The following PRMT3 variants were observed in gnomAD, a reference collection of about 807,000 sequenced individuals.
PRMT3 encodes protein arginine methyltransferase 3.
A neutral mutation model predicts 71.9 loss-of-function variants in PRMT3; 62 were observed. The ratio of observed to expected loss-of-function variants is 0.86; its 90% CI spans 0.70 to 1.07. The LOEUF is 1.07. PRMT3 is among the 50% of genes least tolerant of loss of function. The probability of loss-of-function intolerance (pLI) is 0.00; values close to 1 mark genes in which losing one functional copy is unlikely to be tolerated. For synonymous variants in PRMT3, 213 were observed against 220.4 expected (o/e 0.97, Z 0.30); for missense variants, 663 against 643.0 (o/e 1.03, Z -0.34).
At chr11:20,409,256 G>A (rs1302710296) in intron 9 of PRMT3, among the ~76,000 whole-genome samples, 7 of 152,178 alleles carry the variant, frequency 4.6e-5, no homozygotes, top group African/African-American at 1.4e-4. Context: ...AGCTTGGGAT[G>A]TAGTCTTCAC....
At chr11:20,434,005 GTGTTGCC>G (rs1036092947) in intron 10 of PRMT3, among the ~76,000 whole-genome samples, 11 of 152,140 alleles carry the variant, frequency 7.2e-5, no homozygotes, top group Admixed American at 1.3e-4. Context: ...CAGTGTTTAA[GTGTTGCC>G]TTTTCGCCTC....
At chr11:20,389,189 G>T (rs1183596772) in intron 2 of PRMT3, among the ~76,000 whole-genome samples, 2 of 152,284 alleles carry the variant, frequency 1.3e-5, no homozygotes, top group African/African-American at 4.8e-5. Context: ...GTAGCCTTCA[G>T]ATTTGCATGT....
At position 20,464,546 on chromosome 11, in the gene PRMT3, G is replaced by T; in HGVS notation, c.1347G>T (p.Thr449=). The T allele has an allele frequency of 6.2e-7, 1 of 1,608,628 alleles. No individual in the cohort carries two copies. The highest frequency in any genetic ancestry group is 8.5e-7 in the Non-Finnish European group (1 of 1,178,156). The stretch of plus-strand genomic sequence containing the variant: ...AAATCACAAGGACATCCATGTGCAC[G>T]GTAAGCTATTTCATTCTGCTTTTAC... ...TLKITRTSMC[T]AIAGYFDIYF... Residue 449 remains threonine, a splice_region_variant and synonymous_variant, in exon 13 of 16, where the codon ACG becomes ACT. Coordinates refer to ENST00000331079, the MANE Select transcript of PRMT3 (RefSeq NM_005788.4).
At chr11:20,422,861 A>G (rs530952931) in intron 9 of PRMT3, among the ~76,000 whole-genome samples, 2 of 152,190 alleles carry the variant, frequency 1.3e-5, no homozygotes, top group South Asian at 4.1e-4. Context: ...ACAGGCAATC[A>G]GGGGACTCAG....
chr11:20,394,913 A>G (rs941235779), intron 5 of PRMT3, among the ~76,000 whole-genome samples: 4 of 152,176 alleles, frequency 2.6e-5, no homozygotes, highest in Admixed American at 6.5e-5. Context: ...CCCTTAAGCA[A>G]TATCTGAATT....
intron 11 of PRMT3, among the ~76,000 whole-genome samples, chr11:20,454,598 C>G (rs1267239355): frequency 6.6e-6 from 1 of 152,056 alleles, no homozygotes; most frequent in Non-Finnish European, 1.5e-5. Context: ...AAAAGAGTAA[C>G]AAAAAATAGT....
At chr11:20,461,795 G>A (rs188646126) in intron 11 of PRMT3, among the ~76,000 whole-genome samples, 185 bp from the exon 12 acceptor site, 312 of 152,084 alleles carry the variant, frequency 2.1e-3, no homozygotes, top group Non-Finnish European at 3.9e-3. Flanking sequence ...ATGATAATGC[G>A]TATCTGTTTT....
At chr11:20,486,458 GATAATTTCT>G (rs895726118) in intron 13 of PRMT3, among the ~76,000 whole-genome samples, 5 of 152,086 alleles carry the variant, frequency 3.3e-5, no homozygotes, top group Non-Finnish European at 7.4e-5. Context: ...TAGACTAGTA[GATAATTTCT>G]ATAATTGGTA....
chr11:20,504,707 T>TGTGAGAGAGAGA lies in PRMT3; in HGVS notation c.1487-3596_1487-3595insTGAGAGAGAGAG, dbSNP rs1332372470. 1.2e-3 allele frequency among the ~76,000 whole-genome samples: 166 copies of TGTGAGAGAGAGA among 133,628 alleles called. 2 individuals carry two copies. Among genetic ancestry groups the TGTGAGAGAGAGA allele is most frequent in the African/African-American group, 3.9e-3 (129 of 33,116 alleles). The allele number at this position is 133,628 out of a possible 152,430, so 87.7% of individuals were successfully genotyped here. The stretch of plus-strand genomic sequence containing the variant: ...TATTGTATGTGTGTGTGTGTGTGTG[T>TGTGAGAGAGAGA]GAGAGAGAGAGAGAGAGAGAGAGAG... On this transcript the variant is annotated intron_variant, in intron 15 of 15. Coordinates refer to ENST00000331079, the MANE Select transcript of PRMT3 (RefSeq NM_005788.4).
At position 20,433,952 on chromosome 11, in the gene PRMT3, A is replaced by G. The variant is rs148082879; in HGVS notation, c.993+7087A>G. On this transcript the variant is annotated intron_variant, in intron 10 of 15. Coordinates refer to ENST00000331079, the MANE Select transcript of PRMT3 (RefSeq NM_005788.4). ...TCTGTTTTTAGCTCTTTGAGGAATT[A>G]CCATACTGCTTTCCACAATGTTTGA... Among the ~76,000 whole-genome samples, 1,070 of 152,194 alleles carry G rather than the reference A, an allele frequency of 7.0e-3. 15 individuals are homozygous for G. The highest frequency in any genetic ancestry group is 0.024 in the African/African-American group (1,014 of 41,518).
intron 10 of PRMT3, among the ~76,000 whole-genome samples, chr11:20,437,340 G>C (rs1849781892): frequency 6.6e-6 from 1 of 152,058 alleles, no homozygotes; most frequent in African/African-American, 2.4e-5. Context: ...ATTAGGTTTT[G>C]TATTTGAAAT....
Position 20,389,909 on chromosome 11 carries a change from T to C in PRMT3, c.247+83T>C, listed in dbSNP as rs1210365596. 71 of 1,054,000 alleles carry C rather than the reference T, an allele frequency of 6.7e-5. No individual in the cohort carries two copies. In the East Asian group the frequency reaches 1.4e-3, roughly 21 times the overall value. The allele number at this position is 1,054,000 out of a possible 1,614,324, so 65.3% of individuals were successfully genotyped here. ...GCTCACACCTGTAATCCCAGCACTTTGGGAGGCTGAGGTGGGTGGATCACT... is the reference window on the plus strand; with the variant it reads ...GCTCACACCTGTAATCCCAGCACTTCGGGAGGCTGAGGTGGGTGGATCACT... On this transcript the variant is annotated intron_variant, in intron 3 of 15. Transcript: ENST00000331079.
chr11:20,415,706 C>T (rs1849290115), intron 9 of PRMT3, among the ~76,000 whole-genome samples: 1 of 152,100 alleles, frequency 6.6e-6, no homozygotes. Context: ...TGGTATACAC[C>T]CAAACCAGGT....
chr11:20,473,455 ACTC>A (rs1342214855), intron 13 of PRMT3, among the ~76,000 whole-genome samples: 1 of 151,804 alleles, frequency 6.6e-6, no homozygotes, highest in East Asian at 1.9e-4. Flanking sequence ...GTTTCAAAGA[ACTC>A]CTTGATTTCT....
At chr11:20,417,791 C>T (rs921839561) in intron 9 of PRMT3, among the ~76,000 whole-genome samples, 2 of 152,066 alleles carry the variant, frequency 1.3e-5, no homozygotes, top group Admixed American at 6.5e-5. Context: ...CACACACACA[C>T]ACACACAGGA....
intron 10 of PRMT3, among the ~76,000 whole-genome samples, chr11:20,439,555 T>G (rs572374539): frequency 6.6e-6 from 1 of 152,246 alleles, no homozygotes; most frequent in African/African-American, 2.4e-5. Flanking sequence ...CTTGCTGATA[T>G]CACTCTCCAA....
At chr11:20,450,420 T>G (rs1196120130) in intron 10 of PRMT3, among the ~76,000 whole-genome samples, 1 of 152,190 alleles carries the variant, frequency 6.6e-6, no homozygotes, top group East Asian at 1.9e-4. Context: ...TATGTCAGAT[T>G]GGTAAAGATT....
intron 13 of PRMT3, among the ~76,000 whole-genome samples, chr11:20,476,657 ATTTC>A (rs1565229749): frequency 6.6e-6 from 1 of 152,004 alleles, no homozygotes; most frequent in Non-Finnish European, 1.5e-5. Context: ...TTAATTCATT[ATTTC>A]TTTTTTACAT....
Position 20,471,277 on chromosome 11 carries a change from T to C in PRMT3, c.1347+6731T>C, listed in dbSNP as rs1850638702. On this transcript the variant is annotated intron_variant, in intron 13 of 15. Coordinates refer to ENST00000331079, the MANE Select transcript of PRMT3 (RefSeq NM_005788.4). ...GCAAGTGCTTTTGGCATTTTTGTCATGAAATCTTTGCCCGTGCCTATGTCC... is the reference window on the plus strand; with the variant it reads ...GCAAGTGCTTTTGGCATTTTTGTCACGAAATCTTTGCCCGTGCCTATGTCC... 2.0e-5 allele frequency among the ~76,000 whole-genome samples: 3 copies of C among 152,220 alleles called. No individual in the cohort carries two copies. In the South Asian group the frequency reaches 6.2e-4, roughly 32 times the overall value.
Sources: gnomAD v4.1 joint callset for allele counts (sites outside exome capture counted in the v4.1 genomes callset) on GRCh38, gnomAD v4.1.1 for gene constraint, MANE v1.5 for transcripts, NCBI Gene and HGNC (gene_info 2026-07-23, HGNC 2026-07-21) for gene names.